Variants in RBFOX1 observed in about 807,000 individuals in gnomAD.
The protein encoded by RBFOX1 is RNA binding fox-1 homolog 1.
RBFOX1 carries 8 observed loss-of-function variants against 57.7 expected under a neutral mutation model. The observed-to-expected ratio is 0.14, with a 90% CI of 0.08 to 0.25. RBFOX1 has a LOEUF of 0.25. Ranked by LOEUF, RBFOX1 falls within the 10% of genes least tolerant of loss-of-function variation. The pLI is 1.00. For missense variants in RBFOX1, 611 were observed against 548.5 expected (o/e 1.11, Z -1.14); for synonymous variants, 326 against 222.4 (o/e 1.47, Z -4.15).
chr16:5,361,928 A>G (rs1309472330), intron 1 of RBFOX1, among the ~76,000 whole-genome samples: 1 of 152,242 alleles, frequency 6.6e-6, no homozygotes, highest in Non-Finnish European at 1.5e-5. Context: ...TGGTTTGGAC[A>G]GCAGGCAGAT....
At chr16:7,332,639 C>A in intron 4 of RBFOX1, 1 of 425,546 alleles carries the variant, frequency 2.3e-6, no homozygotes, top group Non-Finnish European at 3.4e-6. Context: ...AGCCTGGTTC[C>A]CTCTGTCACT....
intron 5 of RBFOX1, among the ~76,000 whole-genome samples, chr16:7,570,161 T>TA (rs2092624689): frequency 1.6e-5 from 2 of 124,090 alleles, no homozygotes; most frequent in South Asian, 2.9e-4. Context: ...CTTAAAATTT[T>TA]ACTTTTTTTT....
At chr16:5,922,068 G>A (rs1198844541) in intron 4 of RBFOX1, among the ~76,000 whole-genome samples, 1 of 152,134 alleles carries the variant, frequency 6.6e-6, no homozygotes, top group Non-Finnish European at 1.5e-5. Flanking sequence ...GGCTGAAGTA[G>A]GAGGATCACT....
rs117660328 is a variant in RBFOX1, at chr16:6,742,692, T to C, written c.-16+88042T>C. On this transcript the variant is annotated intron_variant, in intron 3 of 15. Coordinates refer to ENST00000550418, the MANE Select transcript of RBFOX1 (RefSeq NM_018723.4). Reference sequence around the variant, plus strand: ...CTATCGATATACACAACACCTGTGATGAATCTCAAGGGCACAATGTTGAAT... The same window carrying C: ...CTATCGATATACACAACACCTGTGACGAATCTCAAGGGCACAATGTTGAAT... Among the ~76,000 whole-genome samples the C allele has an allele frequency of 5.1e-3, 773 of 152,300 alleles. 4 individuals are homozygous for C. The highest frequency in any genetic ancestry group is 7.0e-3 in the Non-Finnish European group (476 of 68,014).
rs528603297 is a variant in RBFOX1 at position 6,047,563 on chromosome 16, G to C, written c.-127+27571G>C. ...CTGCAGCAAGGGCAGAGCCAGCAGG[G>C]AATGGACAACAATACAGAGAAGAAA... On this transcript the variant is annotated intron_variant, in intron 1 of 15. Transcript: ENST00000550418. 2.0e-5 allele frequency among the ~76,000 whole-genome samples: 3 copies of C among 152,304 alleles called. No homozygotes were observed. The East Asian group carries it at 5.8e-4, about 29-fold the overall frequency.
At chr16:6,217,174 C>CTTTTTTTTTTTTTTTTTTTTTTTT (rs71142697) in intron 1 of RBFOX1, among the ~76,000 whole-genome samples, 3 of 119,058 alleles carry the variant, frequency 2.5e-5, no homozygotes, top group Non-Finnish European at 3.3e-5. Flanking sequence ...TTAGGGGATT[C>CTTTTTTTTTTTTTTTTTTTTTTTT]TTTTTTTTTT....
chr16:7,044,132 G>T (rs548826874), intron 3 of RBFOX1, among the ~76,000 whole-genome samples: 63 of 152,204 alleles, frequency 4.1e-4, no homozygotes, highest in African/African-American at 1.4e-3. Flanking sequence ...TTAGGACAGT[G>T]TCTGACATCC....
chr16:6,257,344 G>T (rs2097674283), intron 1 of RBFOX1, among the ~76,000 whole-genome samples: 1 of 151,920 alleles, frequency 6.6e-6, no homozygotes, highest in Admixed American at 6.6e-5. Context: ...TCCCAGCAGG[G>T]ATGTTAGCCA....
At chr16:6,409,695 TC>T (rs2093396937) in intron 2 of RBFOX1, among the ~76,000 whole-genome samples, 1 of 152,196 alleles carries the variant, frequency 6.6e-6, no homozygotes, top group Non-Finnish European at 1.5e-5. Flanking sequence ...GAAAAAGGTT[TC>T]GGCTAAAATT....
intron 4 of RBFOX1, among the ~76,000 whole-genome samples, chr16:7,355,291 G>T (rs1032450667): frequency 1.3e-5 from 2 of 152,100 alleles, no homozygotes; most frequent in Non-Finnish European, 2.9e-5. Context: ...CCTCTGTCAA[G>T]GTCTCTGAGA....
intron 1 of RBFOX1, among the ~76,000 whole-genome samples, chr16:5,457,227 C>T (rs796846750): frequency 8.5e-5 from 13 of 152,246 alleles, no homozygotes; most frequent in East Asian, 1.9e-4. Flanking sequence ...ACCTCTACCT[C>T]CCGGGTTCAA....
At chr16:7,582,288 G>A (rs2093832362) in intron 6 of RBFOX1, among the ~76,000 whole-genome samples, 6 of 152,132 alleles carry the variant, frequency 3.9e-5, no homozygotes, top group Admixed American at 3.9e-4. Context: ...TGCATTTAGT[G>A]CACAAACTCA....
chr16:5,540,514 C>T (rs542535988), intron 2 of RBFOX1, among the ~76,000 whole-genome samples: 195 of 152,196 alleles, frequency 1.3e-3, no homozygotes, highest in Non-Finnish European at 2.3e-3. Context: ...GAAATTTAGT[C>T]GAATTTGAAA....
At chr16:7,480,991 C>G (rs7191571) in intron 4 of RBFOX1, among the ~76,000 whole-genome samples, 35,230 of 152,046 alleles carry the variant, frequency 0.23, 4,335 homozygotes, top group East Asian at 0.39. Context: ...CTGCTACCTG[C>G]CATGCATGAT....
At chr16:7,252,939 C>T (rs1603449173) in intron 4 of RBFOX1, among the ~76,000 whole-genome samples, 1 of 152,128 alleles carries the variant, frequency 6.6e-6, no homozygotes, top group Non-Finnish European at 1.5e-5. Context: ...TAATCACACA[C>T]ATTTTGTAAA....
At chr16:7,628,775 G>A (rs969483277) in intron 10 of RBFOX1, among the ~76,000 whole-genome samples, 2 of 152,024 alleles carry the variant, frequency 1.3e-5, no homozygotes, top group Non-Finnish European at 2.9e-5. Context: ...ACCACACCCA[G>A]CTAATTTTTG....
chr16:6,568,839 G>T (rs993845136), intron 2 of RBFOX1, among the ~76,000 whole-genome samples: 31 of 152,182 alleles, frequency 2.0e-4, no homozygotes, highest in African/African-American at 7.2e-4. Context: ...CGCGATCTCG[G>T]CTCACTGCAA....
Position 6,076,562 on chromosome 16 carries a change from G to T in RBFOX1, c.-127+56570G>T, listed in dbSNP as rs543047773. Among the ~76,000 whole-genome samples, 5 of 152,086 alleles carry T rather than the reference G, an allele frequency of 3.3e-5. No individual in the cohort carries two copies. The East Asian group carries it at 9.7e-4, about 29-fold the overall frequency. ...AGCTCACTGCAGCCTCGATCTCCTG[G>T]CCTCAAGTGATCCTCCCACCTCTGC... is the stretch of plus-strand genomic sequence containing the variant. On this transcript the variant is annotated intron_variant, in intron 1 of 15. Coordinates refer to ENST00000550418, the MANE Select transcript of RBFOX1 (RefSeq NM_018723.4).
At chr16:5,709,496 A>C (rs1221186348) in intron 3 of RBFOX1, among the ~76,000 whole-genome samples, 1 of 151,910 alleles carries the variant, frequency 6.6e-6, no homozygotes, top group Non-Finnish European at 1.5e-5. Flanking sequence ...ATCCTAGGGT[A>C]AGTCTTCAGC....
Sources: allele counts gnomAD v4.1 joint callset (sites outside exome capture counted in the v4.1 genomes callset), GRCh38; gene constraint gnomAD v4.1.1; transcripts MANE v1.5; gene names NCBI Gene and HGNC (gene_info 2026-07-23, HGNC 2026-07-21).